The following STS variants were observed in gnomAD, a reference collection of about 807,000 sequenced individuals.
STS encodes the protein steryl-sulfatase.
A neutral mutation model predicts 26.8 loss-of-function variants in STS; 7 were observed. The ratio of observed to expected loss-of-function variants is 0.26; its 90% CI spans 0.15 to 0.49. STS has a LOEUF of 0.49. STS is among the 20% of genes least tolerant of loss of function. The pLI is 0.98. For missense variants in STS, 434 were observed against 465.6 expected, an observed-to-expected ratio of 0.93 and a Z score of 0.63; for synonymous variants, 199 against 189.4, an observed-to-expected ratio of 1.05 and a Z score of -0.42.
At chrX:7,247,368 A>G (rs1354194297) in intron 2 of STS, among the ~76,000 whole-genome samples, 1 of 111,714 alleles carries the variant, frequency 9.0e-6, no homozygotes, top group East Asian at 2.8e-4. Flanking sequence ...TATGATTAGT[A>G]GTGTCATGTG....
In STS at chrX:7,352,253, C is replaced by T. The variant is rs1928834328; in HGVS notation, c.*1992C>T. ...ATGCAAGTAAGACTTTCTGAAAACACTTGATGATGTGGAAATGCTGCAGGA... is the reference window on the plus strand; with the variant it reads ...ATGCAAGTAAGACTTTCTGAAAACATTTGATGATGTGGAAATGCTGCAGGA... On this transcript the variant is annotated 3_prime_UTR_variant, in exon 11 of 11. Coordinates refer to ENST00000674429, the MANE Select transcript of STS (RefSeq NM_001320752.2). The T allele has an allele frequency of 8.9e-6, 1 of 112,285 alleles. No homozygotes were observed. The highest frequency in any genetic ancestry group is 9.5e-5 in the Admixed American group (1 of 10,539). 9.3% of individuals were successfully genotyped at this position (112,285 alleles called of 1,213,427 possible).
intron 1 of STS, among the ~76,000 whole-genome samples, chrX:7,169,900 G>T (rs186638580): frequency 2.8e-5 from 3 of 107,467 alleles, no homozygotes; most frequent in Non-Finnish European, 3.8e-5. Flanking sequence ...TGGTGGGGGG[G>T]GCTGGGGGGT....
intron 2 of STS, among the ~76,000 whole-genome samples, chrX:7,232,729 C>A (rs1326593432): frequency 2.7e-5 from 3 of 111,718 alleles, no homozygotes; most frequent in African/African-American, 9.8e-5. Flanking sequence ...AAAGGGAGTG[C>A]AGGTGGTATG....
chrX:7,231,254 A>G (rs1922045994), intron 2 of STS, among the ~76,000 whole-genome samples: 1 of 112,219 alleles, frequency 8.9e-6, no homozygotes, highest in Non-Finnish European at 1.9e-5. Context: ...AATGTTCTGG[A>G]ATGAGATACA....
chrX:7,281,603 C>T (rs951988795), intron 7 of STS, among the ~76,000 whole-genome samples: 3 of 111,918 alleles, frequency 2.7e-5, no homozygotes, highest in Non-Finnish European at 3.8e-5. Flanking sequence ...GCACCCAACT[C>T]GTCTTGAGGG....
chrX:7,162,882 TAAAAAAA>T (rs758518020), intron 1 of STS, among the ~76,000 whole-genome samples: 24 of 49,769 alleles, frequency 4.8e-4, no homozygotes, highest in Non-Finnish European at 3.2e-4. Context: ...CCGTCTATAC[TAAAAAAA>T]AAAAAAAAAA....
chrX:7,336,003 T>C (rs1220142674), intron 10 of STS, among the ~76,000 whole-genome samples: 2 of 111,928 alleles, frequency 1.8e-5, no homozygotes, highest in African/African-American at 6.5e-5. Flanking sequence ...GCTGTTTTGG[T>C]TACTGTAGCC....
rs772976482 is a variant in STS, at chrX:7,231,682, C to T, written c.-4-21514C>T. 2.7e-5 allele frequency among the ~76,000 whole-genome samples: 3 copies of T among 111,479 alleles called. No individual in the cohort carries two copies. In the South Asian group the frequency reaches 1.1e-3, roughly 42 times the overall value. Reference sequence around the variant, plus strand: ...TATCTCACTGCAACCTTGGCATTATCGGTACTGCACAAAGCCCTCTTCAGC... The same window carrying T: ...TATCTCACTGCAACCTTGGCATTATTGGTACTGCACAAAGCCCTCTTCAGC... On this transcript the variant is annotated intron_variant, in intron 2 of 10. Coordinates refer to ENST00000674429, the MANE Select transcript of STS (RefSeq NM_001320752.2).
rs1470456033 is a variant in STS, at chrX:7,349,945, A to G, written c.1421A>G (p.Asn474Ser). 8.3e-7 allele frequency: 1 copy of G among 1,211,462 alleles called. No individual in the cohort carries two copies. Reference protein sequence around the residue: ...FTPNFNPVGSNGCFATHVCFC... With the variant: ...FTPNFNPVGSSGCFATHVCFC... Reference sequence around the variant, plus strand: ...CCCAACTTCAACCCCGTGGGTTCCAACGGATGCTTTGCCACACACGTGTGC... The same window carrying G: ...CCCAACTTCAACCCCGTGGGTTCCAGCGGATGCTTTGCCACACACGTGTGC... The change falls in exon 11 of 11, where the codon AAC (asparagine) becomes AGC (serine). Residue 474 changes from asparagine to serine, a missense_variant. This residue lies in a region of STS where 205 missense variants were observed against 177.3 expected (regional missense o/e 1.16). Coordinates refer to ENST00000674429, the MANE Select transcript of STS (RefSeq NM_001320752.2).
intron 8 of STS, among the ~76,000 whole-genome samples, chrX:7,310,459 G>A (rs999596975): frequency 3.6e-5 from 4 of 112,007 alleles, no homozygotes; most frequent in Non-Finnish European, 5.6e-5. Flanking sequence ...TTGAGAAGAC[G>A]CTTCATTCTG....
At chrX:7,221,480 C>G (rs1479377559) in intron 2 of STS, among the ~76,000 whole-genome samples, 3 of 111,911 alleles carry the variant, frequency 2.7e-5, no homozygotes, top group African/African-American at 9.8e-5. Flanking sequence ...ACATGATTTT[C>G]TAATTCTAAG....
chrX:7,259,701 C>G lies in STS; in HGVS notation c.735C>G (p.Ile245Met), dbSNP rs1479128610. ...GCTTCATGATGAGGAACTACGAGAT[C>G]ATTCAGCAGCCCATGTCCTATGACA... ...LNCFMMRNYE[I>M]IQQPMSYDNL... is the part of the protein sequence containing the mutation. The change falls in exon 6 of 11, where the codon ATC becomes ATG. Residue 245 changes from isoleucine (I) to methionine (M), a missense_variant. Physicochemically the swap from Ile to Met is conservative, Grantham distance 10. Around this residue, in one of 2 missense-constraint regions of STS, gnomAD observed 229 missense variants for 288.3 expected, o/e 0.79. Coordinates refer to ENST00000674429, the MANE Select transcript of STS (RefSeq NM_001320752.2). The G allele has an allele frequency of 8.3e-7, 1 of 1,209,417 alleles. No individual in the cohort carries two copies.
chrX:7,204,850 C>G (rs764984437), intron 2 of STS, among the ~76,000 whole-genome samples: 5 of 107,661 alleles, frequency 4.6e-5, no homozygotes, highest in African/African-American at 1.7e-4. Context: ...CTCCTTCCTT[C>G]CTCTTTGCTT....
chrX:7,331,568 TG>T (rs1478115560), intron 9 of STS, among the ~76,000 whole-genome samples: 1 of 111,719 alleles, frequency 9.0e-6, no homozygotes, highest in Non-Finnish European at 1.9e-5. Context: ...ACTTTGAAAG[TG>T]GATTGGCCCA....
chrX:7,286,234 A>G lies in STS; in HGVS notation c.943+10147A>G, dbSNP rs190282833. Among the ~76,000 whole-genome samples the G allele has an allele frequency of 9.0e-5, 10 of 111,355 alleles. No individual in the cohort carries two copies. In the East Asian group the frequency reaches 2.5e-3, roughly 28 times the overall value. ...TTTAAAAAATGAGTCTGTGAAATCT[A>G]CTTATTTTAATAATGCTAATGTAAT... On this transcript the variant is annotated intron_variant, in intron 7 of 10. Transcript: ENST00000674429.
At chrX:7,345,167 A>G (rs1399997108) in intron 10 of STS, among the ~76,000 whole-genome samples, 1 of 111,353 alleles carries the variant, frequency 9.0e-6, no homozygotes, top group East Asian at 2.8e-4. Flanking sequence ...TAGGACTGCT[A>G]TTTCTCGCAG....
intron 7 of STS, among the ~76,000 whole-genome samples, chrX:7,294,048 T>C (rs1486428656): frequency 9.0e-6 from 1 of 111,652 alleles, no homozygotes; most frequent in Non-Finnish European, 1.9e-5. Context: ...AAAAAAACTT[T>C]TAACTGTAAT....
In STS at chrX:7,261,099, A is replaced by G. The variant is rs73192695; in HGVS notation, c.806+1327A>G. On this transcript the variant is annotated intron_variant, in intron 6 of 10. Transcript: ENST00000674429. ...AGAGGCTATGTCAAAAACACTTGCT[A>G]TTCAAAACAAGCAAATAAAAGTATT... Among the ~76,000 whole-genome samples the G allele has an allele frequency of 6.9e-3, 776 of 111,791 alleles. 2 individuals are homozygous for G. The highest frequency in any genetic ancestry group is 0.011 in the Non-Finnish European group (571 of 53,202).
chrX:7,187,579 C>T (rs982541779), intron 1 of STS, among the ~76,000 whole-genome samples: 1 of 112,222 alleles, frequency 8.9e-6, no homozygotes, highest in Non-Finnish European at 1.9e-5. Context: ...TTCTTCTTCT[C>T]ACTGTTGAAC....
Sources: allele counts gnomAD v4.1 joint callset (sites outside exome capture counted in the v4.1 genomes callset), GRCh38; gene constraint gnomAD v4.1.1; regional missense constraint gnomAD v4.1.1; transcripts MANE v1.5; gene names NCBI Gene and HGNC (gene_info 2026-07-23, HGNC 2026-07-21).